CCSER1: variants seen among roughly 807,000 people sequenced by gnomAD.
The protein encoded by CCSER1 is serine-rich coiled-coil domain-containing protein 1.
A neutral mutation model predicts 82.0 loss-of-function variants in CCSER1; 41 were observed. The ratio of observed to expected loss-of-function variants is 0.50; its 90% CI spans 0.39 to 0.65. The LOEUF (loss-of-function observed/expected upper bound fraction) is 0.65, where lower values mean the gene tolerates loss of function less well. CCSER1 is among the 30% of genes least tolerant of loss of function. The pLI, the probability that CCSER1 is intolerant of heterozygous loss-of-function variation, is 0.00. For synonymous variants in CCSER1, 414 were observed against 383.9 expected, an observed-to-expected ratio of 1.08 and a Z score of -0.92; for missense variants, 1,119 against 1,064.2, an observed-to-expected ratio of 1.05 and a Z score of -0.72.
intron 4 of CCSER1, among the ~76,000 whole-genome samples, chr4:90,402,833 A>G (rs1407924526): frequency 2.0e-5 from 3 of 152,184 alleles, no homozygotes; most frequent in Non-Finnish European, 4.4e-5. Flanking sequence ...TCATTAATTT[A>G]TTTTAAATAA....
chr4:90,409,777 A>G lies in CCSER1; in HGVS notation c.1603+9648A>G, dbSNP rs982752118. The stretch of plus-strand genomic sequence containing the variant: ...AATGACAGGATCAAATTCACACATA[A>G]CAATACTAACCTTAAATGTAAATGG... On this transcript the variant is annotated intron_variant, in intron 4 of 10. Transcript: ENST00000509176. Among the ~76,000 whole-genome samples the G allele has an allele frequency of 2.6e-5, 4 of 152,212 alleles. No homozygotes were observed. The East Asian group carries it at 7.7e-4, about 29-fold the overall frequency.
chr4:91,095,252 G>A (rs141899400), intron 10 of CCSER1, among the ~76,000 whole-genome samples: 66 of 152,246 alleles, frequency 4.3e-4, no homozygotes, highest in African/African-American at 1.3e-3. Context: ...TTTGCTGTGC[G>A]TCACCTTGCT....
chr4:91,216,824 A>G (rs1055700505), intron 10 of CCSER1, among the ~76,000 whole-genome samples: 3 of 152,186 alleles, frequency 2.0e-5, no homozygotes, highest in African/African-American at 7.2e-5. Context: ...GGGGCAAATA[A>G]AACTGATACG....
At chr4:90,764,167 C>T (rs903769499) in intron 7 of CCSER1, among the ~76,000 whole-genome samples, 1 of 152,108 alleles carries the variant, frequency 6.6e-6, no homozygotes, top group Non-Finnish European at 1.5e-5. Flanking sequence ...AGAACTTGTG[C>T]CAAGTCTTCC....
chr4:91,204,864 A>G (rs1296925326), intron 10 of CCSER1, among the ~76,000 whole-genome samples: 1 of 151,726 alleles, frequency 6.6e-6, no homozygotes, highest in African/African-American at 2.4e-5. Context: ...TTACATATTA[A>G]TATTTTCTTT....
At chr4:90,393,973 T>TC (rs1313952202) in intron 3 of CCSER1, among the ~76,000 whole-genome samples, 5 of 150,726 alleles carry the variant, frequency 3.3e-5, no homozygotes, top group African/African-American at 1.2e-4. Flanking sequence ...GAGAGGGGGG[T>TC]CTCGCTGTTT....
intron 8 of CCSER1, among the ~76,000 whole-genome samples, chr4:90,850,515 G>T (rs746333064): frequency 6.6e-6 from 1 of 152,226 alleles, no homozygotes; most frequent in Non-Finnish European, 1.5e-5. Context: ...CTGCACCAGC[G>T]TGCCCTGAAT....
In CCSER1 at chr4:90,805,171, A is replaced by G. The variant is rs143885108; in HGVS notation, c.2011-10591A>G. On this transcript the variant is annotated intron_variant, in intron 7 of 10. Transcript: ENST00000509176. ...AAACTATAATTTTATTTAGTTCACA[A>G]TTTTCTATGTCAAGAACTTGGGAAT... Among the ~76,000 whole-genome samples the G allele has an allele frequency of 1.3e-3, 205 of 152,214 alleles. 1 individual carries two copies. The highest frequency in any genetic ancestry group is 4.7e-3 in the African/African-American group (197 of 41,550).
intron 10 of CCSER1, among the ~76,000 whole-genome samples, chr4:91,195,415 G>A (rs947656004): frequency 5.3e-5 from 8 of 152,178 alleles, no homozygotes; most frequent in African/African-American, 1.7e-4. Flanking sequence ...TAAGAGACCT[G>A]TTAGGAGACG....
chr4:90,848,882 T>C (rs1039808111), intron 8 of CCSER1, among the ~76,000 whole-genome samples: 1 of 152,228 alleles, frequency 6.6e-6, no homozygotes, highest in African/African-American at 2.4e-5. Context: ...TTATCACCTT[T>C]GCTCAACACT....
At chr4:90,178,370 A>G (rs112175354) in intron 1 of CCSER1, among the ~76,000 whole-genome samples, 1 of 151,330 alleles carries the variant, frequency 6.6e-6, no homozygotes, top group Admixed American at 6.6e-5. Flanking sequence ...CTCTGATATA[A>G]TTTTTTTTTC....
chr4:90,263,835 A>G (rs1227243559), intron 1 of CCSER1, among the ~76,000 whole-genome samples: 1 of 152,142 alleles, frequency 6.6e-6, no homozygotes, highest in East Asian at 1.9e-4. Context: ...CTGCTACTCC[A>G]TAACCCCTTT....
chr4:91,031,389 A>G (rs1169617886), intron 9 of CCSER1, among the ~76,000 whole-genome samples: 1 of 152,146 alleles, frequency 6.6e-6, no homozygotes, highest in Non-Finnish European at 1.5e-5. Context: ...GCACAAGGAA[A>G]CACATGTTTG....
chr4:91,568,240 G>T (rs1403746005), intron 10 of CCSER1, among the ~76,000 whole-genome samples: 3 of 152,114 alleles, frequency 2.0e-5, no homozygotes, highest in African/African-American at 7.2e-5. Context: ...AATTTCTTTT[G>T]TAGGTGACCT....
At chr4:90,894,559 A>G (rs539091304) in intron 8 of CCSER1, among the ~76,000 whole-genome samples, 1 of 151,974 alleles carries the variant, frequency 6.6e-6, no homozygotes, top group South Asian at 2.1e-4. Flanking sequence ...TATTAGCTGC[A>G]TCTCTCCCTA....
At chr4:91,303,298 G>A (rs1744806522) in intron 10 of CCSER1, among the ~76,000 whole-genome samples, 1 of 151,924 alleles carries the variant, frequency 6.6e-6, no homozygotes, top group Non-Finnish European at 1.5e-5. Context: ...TGGGTGTTAA[G>A]CCAATCTTAT....
At chr4:90,192,737 T>C (rs1735893559) in intron 1 of CCSER1, among the ~76,000 whole-genome samples, 1 of 152,048 alleles carries the variant, frequency 6.6e-6, no homozygotes, top group Non-Finnish European at 1.5e-5. Flanking sequence ...AAAATTCCTC[T>C]TTTGAATGGG....
At chr4:91,375,821 A>C (rs1225105861) in intron 10 of CCSER1, among the ~76,000 whole-genome samples, 1 of 150,926 alleles carries the variant, frequency 6.6e-6, no homozygotes, top group Non-Finnish European at 1.5e-5. Context: ...GGATTACTCA[A>C]AAGTCTAGAA....
intron 3 of CCSER1, among the ~76,000 whole-genome samples, chr4:90,351,123 C>A (rs567453616): frequency 1.2e-4 from 19 of 152,238 alleles, no homozygotes; most frequent in Admixed American, 3.9e-4. Flanking sequence ...AGAAGGGATG[C>A]TGTTTTAACA....
Sources: gnomAD v4.1 joint callset for allele counts (sites outside exome capture counted in the v4.1 genomes callset) on GRCh38, gnomAD v4.1.1 for gene constraint, MANE v1.5 for transcripts, NCBI Gene and HGNC (gene_info 2026-07-23, HGNC 2026-07-21) for gene names.